Variants in ARHGAP21 observed in about 807,000 individuals in gnomAD.
The protein encoded by ARHGAP21 is Rho GTPase activating protein 21, also known as rho GTPase-activating protein 21.
Under a neutral mutation model 164.6 loss-of-function variants are expected in ARHGAP21, and 38 were observed. The ratio of observed to expected loss-of-function variants is 0.23; its 90% CI spans 0.18 to 0.30. The LOEUF (loss-of-function observed/expected upper bound fraction) is 0.30. Among genes scored for constraint, ARHGAP21 ranks in the 10% least tolerant of loss-of-function variants. The pLI, the probability that ARHGAP21 is intolerant of heterozygous loss-of-function variation, is 1.00. For synonymous variants in ARHGAP21, 766 were observed against 857.9 expected, an observed-to-expected ratio of 0.89 and a Z score of 1.87; for missense variants, 1,822 against 2,370.7, an observed-to-expected ratio of 0.77 and a Z score of 4.81.
intron 12 of ARHGAP21, among the ~76,000 whole-genome samples, chr10:24,602,777 G>C (rs953593351): frequency 6.6e-6 from 1 of 152,126 alleles, no homozygotes; most frequent in African/African-American, 2.4e-5. Context: ...AAAGAGCTGT[G>C]ACTATAGGAA....
At chr10:24,692,105 TTGA>T (rs2132024976) in intron 2 of ARHGAP21, among the ~76,000 whole-genome samples, 1 of 152,362 alleles carries the variant, frequency 6.6e-6, no homozygotes, top group South Asian at 2.1e-4. Flanking sequence ...CAGATTTTTC[TTGA>T]TGATGTTGGT....
intron 2 of ARHGAP21, among the ~76,000 whole-genome samples, chr10:24,676,107 C>A (rs879002540): frequency 2.0e-5 from 3 of 152,036 alleles, no homozygotes; most frequent in Non-Finnish European, 4.4e-5. Context: ...GAGGGCGCCA[C>A]GGCACTCCAG....
chr10:24,591,790 C>T, intron 22 of ARHGAP21, 97 bp downstream of exon 22: 1 of 1,599,292 alleles, frequency 6.3e-7, no homozygotes, highest in Non-Finnish European at 8.5e-7. Context: ...AAAGATATTA[C>T]AACCAACCTC....
rs144447168 is a variant in ARHGAP21, at chr10:24,667,713, A to G, written c.244-704T>C. On this transcript the variant is annotated intron_variant, in intron 3 of 25. Coordinates refer to ENST00000396432, the MANE Select transcript of ARHGAP21 (RefSeq NM_020824.4). Reference sequence around the variant, plus strand: ...ACAGACGTTCGGTGAAGGGCTGATAATTTATTACATAATTTTTTGACCTTT... The same window carrying G: ...ACAGACGTTCGGTGAAGGGCTGATAGTTTATTACATAATTTTTTGACCTTT... Among the ~76,000 whole-genome samples, 17 of 152,202 alleles carry G rather than the reference A, an allele frequency of 1.1e-4. No homozygotes were observed. In the East Asian group the frequency reaches 3.1e-3, roughly 28 times the overall value.
At position 24,585,728 on chromosome 10, in the gene ARHGAP21, A is replaced by T; in HGVS notation, c.4561T>A (p.Phe1521Ile). ...HNKSPTLSCR[F>I]AILKESPRSL... ...CTGGGGCTCTCTTTCAGGATGGCAA[A>T]GCGACAGCTGAGAGTTGGTGACTTG... The change falls in exon 26 of 26, where the codon TTT (phenylalanine) becomes ATT (isoleucine). Residue 1521 changes from phenylalanine to isoleucine, a missense_variant. This residue lies in a region of ARHGAP21 where 333 missense variants were observed against 383.9 expected (regional missense o/e 0.87). Coordinates refer to ENST00000396432, the MANE Select transcript of ARHGAP21 (RefSeq NM_020824.4). The T allele has an allele frequency of 6.2e-7, 1 of 1,614,040 alleles. No individual in the cohort carries two copies. Among genetic ancestry groups the T allele is most frequent in the East Asian group, 2.2e-5 (1 of 44,862 alleles).
intron 4 of ARHGAP21, among the ~76,000 whole-genome samples, chr10:24,656,471 T>C (rs1382243356): frequency 2.0e-5 from 1 of 50,048 alleles, no homozygotes; most frequent in East Asian, 5.6e-4. Flanking sequence ...TACTGTGAAG[T>C]GAGGAGCCCC....
chr10:24,711,116 G>GGAA (rs1291940932), intron 2 of ARHGAP21, among the ~76,000 whole-genome samples: 12 of 114,988 alleles, frequency 1.0e-4, no homozygotes, highest in Non-Finnish European at 1.8e-4. Flanking sequence ...AAAAAAAAAA[G>GGAA]GGAAGGAAGG....
chr10:24,719,396 A>G (rs1845709460), intron 2 of ARHGAP21, among the ~76,000 whole-genome samples: 1 of 152,208 alleles, frequency 6.6e-6, no homozygotes, highest in Non-Finnish European at 1.5e-5. Context: ...CTTAAGATGA[A>G]CAAGAAATCT....
At chr10:24,601,888 A>G (rs908141922) in intron 13 of ARHGAP21, 90 bp downstream of exon 13, 4 of 1,292,106 alleles carry the variant, frequency 3.1e-6, no homozygotes, top group Non-Finnish European at 4.0e-6. Flanking sequence ...TTTAATCTGG[A>G]TATCATGCCA....
chr10:24,585,690 T>C lies in ARHGAP21; in HGVS notation c.4599A>G (p.Ala1533=), dbSNP rs1339459836. 3 of 1,614,016 alleles carry C rather than the reference T, an allele frequency of 1.9e-6. No individual in the cohort carries two copies. Among genetic ancestry groups the C allele is most frequent in the Admixed American group, 1.7e-5 (1 of 60,004 alleles). The part of the protein sequence containing the change: ...ILKESPRSLL[A]QKSSHLEETG... Reference sequence around the variant, plus strand: ...TCTCTTCAAGGTGGGAGGACTTCTGTGCCAGAAGTGACCTGGGGCTCTCTT... The same window carrying C: ...TCTCTTCAAGGTGGGAGGACTTCTGCGCCAGAAGTGACCTGGGGCTCTCTT... The change falls in exon 26 of 26, where the codon GCA becomes GCG. Residue 1533 remains alanine, a synonymous_variant. Coordinates refer to ENST00000396432, the MANE Select transcript of ARHGAP21 (RefSeq NM_020824.4).
At chr10:24,667,083 T>C (rs1471907717) in intron 3 of ARHGAP21, 74 bp from the exon 4 acceptor site, 1 of 827,134 alleles carries the variant, frequency 1.2e-6, no homozygotes, top group Non-Finnish European at 1.8e-6. Flanking sequence ...CAAGGCTCAA[T>C]TTAATTCAAA....
chr10:24,698,854 T>C (rs1407231479), intron 2 of ARHGAP21, among the ~76,000 whole-genome samples: 1 of 152,238 alleles, frequency 6.6e-6, no homozygotes, highest in Non-Finnish European at 1.5e-5. Flanking sequence ...AATTTTAACA[T>C]TGAATTCTGC....
At chr10:24,596,173 C>T in intron 17 of ARHGAP21, 130 bp from the exon 18 acceptor site, 8 of 734,600 alleles carry the variant, frequency 1.1e-5, no homozygotes, top group East Asian at 2.9e-5. Context: ...AGAATACAGA[C>T]ATTATAGATC....
chr10:24,719,520 C>T (rs1845720192), intron 2 of ARHGAP21, among the ~76,000 whole-genome samples: 1 of 152,104 alleles, frequency 6.6e-6, no homozygotes, highest in African/African-American at 2.4e-5. Flanking sequence ...TTCTTCTGTC[C>T]TATAAAGTTA....
At chr10:24,606,680 G>A (rs967573857) in intron 11 of ARHGAP21, among the ~76,000 whole-genome samples, 4 of 151,916 alleles carry the variant, frequency 2.6e-5, no homozygotes, top group South Asian at 2.1e-4. Flanking sequence ...GGTGAAACCC[G>A]GTCTCTACTA....
At chr10:24,594,715 CT>C (rs1301472061) in intron 21 of ARHGAP21, among the ~76,000 whole-genome samples, 2 of 152,050 alleles carry the variant, frequency 1.3e-5, no homozygotes, top group Non-Finnish European at 2.9e-5. Context: ...AAATTTCTGA[CT>C]TTTTCATTTT....
At chr10:24,591,448 ACATT>A (rs2076326620) in intron 23 of ARHGAP21, 118 bp from the exon 24 acceptor site, 2 of 1,107,900 alleles carry the variant, frequency 1.8e-6, no homozygotes, top group African/African-American at 3.1e-5. Flanking sequence ...TAATGTGTTT[ACATT>A]GTTTACGCAT....
intron 7 of ARHGAP21, chr10:24,628,910 TATATAC>T: frequency 1.2e-5 from 1 of 81,454 alleles, no homozygotes; most frequent in Admixed American, 1.4e-4. Context: ...TATATACACA[TATATAC>T]ACATATATAT....
At chr10:24,705,673 T>C (rs1844157817) in intron 2 of ARHGAP21, among the ~76,000 whole-genome samples, 1 of 152,226 alleles carries the variant, frequency 6.6e-6, no homozygotes, top group African/African-American at 2.4e-5. Context: ...TTTTCAACTG[T>C]TTTCCTTTTA....
Sources: gnomAD v4.1 joint callset for allele counts (sites outside exome capture counted in the v4.1 genomes callset) on GRCh38, gnomAD v4.1.1 for gene constraint, gnomAD v4.1.1 regional missense constraint, MANE v1.5 for transcripts, NCBI Gene and HGNC (gene_info 2026-07-23, HGNC 2026-07-21) for gene names.